Variants in MAF observed in about 807,000 individuals in gnomAD.
MAF encodes MAF bZIP transcription factor.
Under a neutral mutation model 22.0 loss-of-function variants are expected in MAF, and 10 were observed. The ratio of observed to expected loss-of-function variants is 0.45; its 90% confidence interval spans 0.28 to 0.77. The LOEUF (loss-of-function observed/expected upper bound fraction) is 0.77, where lower values mean the gene tolerates loss of function less well. MAF is among the 30% of genes least tolerant of loss of function. MAF has a pLI of 0.12. For synonymous variants in MAF, 337 were observed against 255.8 expected (o/e 1.32, Z -3.03); for missense variants, 544 against 548.4 (o/e 0.99, Z 0.08).
At chr16:79,514,038 C>A in the MAF span, among the ~76,000 whole-genome samples, 2 of 152,234 alleles carry the variant, frequency 1.3e-5, no homozygotes, top group African/African-American at 4.8e-5. Context: ...TTCTCAGTGT[C>A]TATTTTATCC....
At chr16:79,517,141 G>C in the MAF span, among the ~76,000 whole-genome samples, 1 of 152,006 alleles carries the variant, frequency 6.6e-6, no homozygotes, top group Non-Finnish European at 1.5e-5. Flanking sequence ...TTATACTGTA[G>C]ATTCTATCAC....
At chr16:79,594,619 A>C in intron 1 of MAF, 66 bp from the exon 2 acceptor site, 1 of 1,540,138 alleles carries the variant, frequency 6.5e-7, no homozygotes, top group Non-Finnish European at 8.7e-7. Context: ...GTAAAGGGGA[A>C]AGCTAGATTT....
At chr16:79,369,368 T>C in the MAF span, among the ~76,000 whole-genome samples, 1 of 152,192 alleles carries the variant, frequency 6.6e-6, no homozygotes, top group Non-Finnish European at 1.5e-5. Context: ...TTCAAGCCTG[T>C]CTCATCCCAA....
the MAF span, among the ~76,000 whole-genome samples, chr16:79,460,796 C>G: frequency 6.6e-6 from 1 of 152,130 alleles, no homozygotes; most frequent in Non-Finnish European, 1.5e-5. Flanking sequence ...ACATTTCTTG[C>G]TAACCTTATC....
the MAF span, among the ~76,000 whole-genome samples, chr16:79,561,212 T>G: frequency 1.3e-5 from 2 of 152,202 alleles, no homozygotes; most frequent in African/African-American, 4.8e-5. Flanking sequence ...GCTTTTCTCT[T>G]GTTCATCTGC....
At chr16:79,307,554 C>T in the MAF span, among the ~76,000 whole-genome samples, 4 of 151,986 alleles carry the variant, frequency 2.6e-5, no homozygotes, top group Non-Finnish European at 5.9e-5. Flanking sequence ...ACATGATGGG[C>T]GATAAAATGA....
chr16:79,332,327 G>A, the MAF span, among the ~76,000 whole-genome samples: 1 of 151,968 alleles, frequency 6.6e-6, no homozygotes, highest in Admixed American at 6.5e-5. Context: ...TTGAGATGGA[G>A]TCTTGCTCTG....
the MAF span, among the ~76,000 whole-genome samples, chr16:79,513,929 C>T: frequency 2.4e-3 from 367 of 152,178 alleles, 1 homozygote; most frequent in Non-Finnish European, 4.1e-3. Flanking sequence ...TTCAAAAGCA[C>T]GACAATAAAT....
the MAF span, among the ~76,000 whole-genome samples, chr16:79,335,470 A>C: frequency 5.3e-5 from 8 of 152,300 alleles, no homozygotes; most frequent in African/African-American, 1.9e-4. Flanking sequence ...CTTCAGAAAG[A>C]CCAGGGGGGA....
chr16:79,342,808 AAAG>A, the MAF span, among the ~76,000 whole-genome samples: 3 of 152,216 alleles, frequency 2.0e-5, no homozygotes, highest in Non-Finnish European at 4.4e-5. Flanking sequence ...AGAAAAGACT[AAAG>A]AAGTTGCACA....
At chr16:79,586,739 C>T (rs1410562224) in intron 1 of MAF, among the ~76,000 whole-genome samples, 3 of 152,138 alleles carry the variant, frequency 2.0e-5, no homozygotes, top group Non-Finnish European at 2.9e-5. Context: ...ATTTTCCAGA[C>T]AGCAGTTTAA....
the MAF span, among the ~76,000 whole-genome samples, chr16:79,540,457 C>G: frequency 6.6e-6 from 1 of 152,140 alleles, no homozygotes; most frequent in Admixed American, 6.5e-5. Context: ...AAGACAAGGG[C>G]ATCCACGCAC....
At chr16:79,287,365 C>A in the MAF span, among the ~76,000 whole-genome samples, 1 of 152,212 alleles carries the variant, frequency 6.6e-6, no homozygotes, top group African/African-American at 2.4e-5. Context: ...TCTCATTCTG[C>A]AAACCAGCCC....
the MAF span, among the ~76,000 whole-genome samples, chr16:79,514,714 C>T: frequency 1.3e-5 from 2 of 152,158 alleles, no homozygotes; most frequent in South Asian, 2.1e-4. Context: ...CAATTCTGTG[C>T]CCTGGGAGGC....
chr16:79,390,788 G>C, the MAF span, among the ~76,000 whole-genome samples: 3 of 152,170 alleles, frequency 2.0e-5, no homozygotes, highest in African/African-American at 7.2e-5. Context: ...ATGATAATCT[G>C]ATAACCGGGC....
At chr16:79,586,538 G>C (rs2050847494) in intron 1 of MAF, among the ~76,000 whole-genome samples, 1 of 152,188 alleles carries the variant, frequency 6.6e-6, no homozygotes, top group Non-Finnish European at 1.5e-5. Context: ...GTTTAAATTA[G>C]TAGCAGGGAG....
At chr16:79,462,859 A>G in the MAF span, among the ~76,000 whole-genome samples, 24 of 152,322 alleles carry the variant, frequency 1.6e-4, no homozygotes, top group Non-Finnish European at 2.9e-4. Context: ...TAAAGTCTGT[A>G]TTTTTACGGG....
the MAF span, among the ~76,000 whole-genome samples, chr16:79,479,751 G>C: frequency 1.6e-3 from 245 of 152,312 alleles, 3 homozygotes; most frequent in African/African-American, 5.6e-3. Flanking sequence ...ACGTGCTAAG[G>C]TCTGTGCTGG....
At chr16:79,393,932 C>G in the MAF span, among the ~76,000 whole-genome samples, 4 of 152,166 alleles carry the variant, frequency 2.6e-5, no homozygotes, top group African/African-American at 9.7e-5. Flanking sequence ...TTAAGTATTT[C>G]CATGTGCCAG....
Sources: gnomAD v4.1 joint callset for allele counts (sites outside exome capture counted in the v4.1 genomes callset) on GRCh38, gnomAD v4.1.1 for gene constraint, MANE v1.5 for transcripts, NCBI Gene and HGNC (gene_info 2026-07-23, HGNC 2026-07-21) for gene names.